The following CD36 variants were observed in gnomAD, a reference collection of about 807,000 sequenced individuals.
CD36 encodes CD36 molecule (CD36 blood group), also known as platelet glycoprotein 4.
In CD36, 119 loss-of-function variants were observed where a neutral mutation model predicts 55.2. That is an observed-to-expected ratio of 2.15 (90% CI 1.86 to 2.51). The LOEUF (loss-of-function observed/expected upper bound fraction) is 2.51. Ranked by LOEUF, CD36 falls within the 30% of genes most tolerant of loss-of-function variation. The pLI, the probability that CD36 is intolerant of heterozygous loss-of-function variation, is 0.00. For missense variants in CD36, 819 were observed against 555.5 expected (o/e 1.47, Z -4.77); for synonymous variants, 186 against 193.6 (o/e 0.96, Z 0.33).
At chr7:80,616,457 G>A (rs997361041) in intron 1 of CD36, among the ~76,000 whole-genome samples, 1 of 148,152 alleles carries the variant, frequency 6.7e-6, no homozygotes, top group Non-Finnish European at 1.5e-5. Context: ...GTGCCTGCAC[G>A]CACACACACA....
chr7:80,612,523 ATT>A (rs2115790998), intron 1 of CD36, among the ~76,000 whole-genome samples: 1 of 152,320 alleles, frequency 6.6e-6, no homozygotes, highest in South Asian at 2.1e-4. Flanking sequence ...TGCTAATCAG[ATT>A]GTAGAATCCT....
intron 1 of CD36, among the ~76,000 whole-genome samples, chr7:80,623,006 T>A (rs1385132611): frequency 9.2e-3 from 5 of 542 alleles, no homozygotes; most frequent in East Asian, 0.043. Context: ...CTTGGTAGAC[T>A]TTTTTTTTTT....
Position 80,643,455 on chromosome 7 carries a change from T to C in CD36, c.-183-2633T>C, listed in dbSNP as rs923659662. Among the ~76,000 whole-genome samples the C allele has an allele frequency of 1.3e-5, 2 of 152,176 alleles. 1 individual carries two copies. Among genetic ancestry groups the C allele is most frequent in the South Asian group, 4.1e-4 (2 of 4,832 alleles). On this transcript the variant is annotated intron_variant, in intron 1 of 14. Coordinates refer to ENST00000447544, the MANE Select transcript of CD36 (RefSeq NM_001001548.3). The stretch of plus-strand genomic sequence containing the variant: ...ATCCTTGAGTTATACATGTTTTAAA[T>C]AGATTTTCATACTATATTAACAAAA...
intron 3 of CD36, chr7:80,647,347 CTG>C (rs1795247748): frequency 6.0e-6 from 1 of 167,424 alleles, no homozygotes; most frequent in Non-Finnish European, 1.3e-5. Context: ...TGGTAATACA[CTG>C]TTTAGTAATC....
chr7:80,629,272 C>CA (rs1478661947), intron 1 of CD36, among the ~76,000 whole-genome samples: 2 of 151,940 alleles, frequency 1.3e-5, no homozygotes, highest in Admixed American at 1.3e-4. Flanking sequence ...AGAGGGCCTC[C>CA]AGCAGCATGG....
At chr7:80,614,209 C>T (rs529701414) in intron 1 of CD36, among the ~76,000 whole-genome samples, 11 of 152,124 alleles carry the variant, frequency 7.2e-5, no homozygotes, top group South Asian at 2.1e-4. Flanking sequence ...TTGTTTACAT[C>T]GAATGTTTGT....
At chr7:80,670,161 C>CAATTTTTAATAGTACAAATTTTT in intron 9 of CD36, 139 bp downstream of exon 9, 1 of 668,604 alleles carries the variant, frequency 1.5e-6, no homozygotes, top group East Asian at 2.7e-5. Context: ...CTGCATCTTC[C>CAATTTTTAATAGTACAAATTTTT]AATTTTTAAT....
intron 1 of CD36, among the ~76,000 whole-genome samples, chr7:80,621,645 A>T (rs183822050): frequency 2.9e-3 from 448 of 152,306 alleles, no homozygotes; most frequent in African/African-American, 9.5e-3. Flanking sequence ...ATATTTTTTT[A>T]AAAAAATCCA....
At chr7:80,634,420 C>T (rs1794265071), upstream of CD36, among the ~76,000 whole-genome samples, 1 of 152,060 alleles carries the variant, frequency 6.6e-6, no homozygotes, top group Non-Finnish European at 1.5e-5. Flanking sequence ...GTATCTACTA[C>T]TATAAGATAT....
intron 1 of CD36, among the ~76,000 whole-genome samples, chr7:80,622,723 A>G (rs752507286): frequency 1.4e-4 from 22 of 152,202 alleles, no homozygotes; most frequent in Non-Finnish European, 2.2e-4. Flanking sequence ...AGCTATTTAT[A>G]TCCGAACAAA....
At chr7:80,613,724 C>A (rs775751106) in intron 1 of CD36, among the ~76,000 whole-genome samples, 3 of 152,074 alleles carry the variant, frequency 2.0e-5, no homozygotes, top group Non-Finnish European at 4.4e-5. Flanking sequence ...GTCTAGTCAG[C>A]AGTTTTGATT....
At chr7:80,671,199 A>G (rs1797644356) in intron 10 of CD36, 35 bp downstream of exon 10, 2 of 1,333,162 alleles carry the variant, frequency 1.5e-6, no homozygotes, top group East Asian at 2.3e-5. Context: ...AGTCCATACC[A>G]TAATTTGTGA....
chr7:80,606,237 G>A (rs1268120680), intron 1 of CD36, among the ~76,000 whole-genome samples: 2 of 151,934 alleles, frequency 1.3e-5, no homozygotes, highest in Non-Finnish European at 2.9e-5. Context: ...CCAAATTGAT[G>A]TAGAGCTCTA....
rs190915077 is a variant in CD36, at chr7:80,604,456, G to C, written c.-184+2077G>C. 2.2e-5 allele frequency among the ~76,000 whole-genome samples: 3 copies of C among 135,668 alleles called. No homozygotes were observed. In the Admixed American group the frequency reaches 2.6e-4, roughly 12 times the overall value. 89.0% of individuals were successfully genotyped at this position (135,668 alleles called of 152,430 possible). ...ATTTCTTTATGGAAAAGGGTAAAGT[G>C]AATTCTGATTTGTATCTTCTGACAA... On this transcript the variant is annotated intron_variant, in intron 1 of 13. Transcript: ENST00000309881.
intron 1 of CD36, among the ~76,000 whole-genome samples, chr7:80,603,235 A>G (rs1373737459): frequency 6.6e-6 from 1 of 152,158 alleles, no homozygotes; most frequent in Non-Finnish European, 1.5e-5. Context: ...AGGTTGATAC[A>G]AAAAAAGAAA....
At chr7:80,613,703 G>A (rs1437673693) in intron 1 of CD36, among the ~76,000 whole-genome samples, 1 of 151,920 alleles carries the variant, frequency 6.6e-6, no homozygotes, top group Non-Finnish European at 1.5e-5. Context: ...TAAGAGATGG[G>A]GTTTATTTAA....
At chr7:80,614,010 A>G (rs1793015492) in intron 1 of CD36, among the ~76,000 whole-genome samples, 1 of 152,186 alleles carries the variant, frequency 6.6e-6, no homozygotes, top group African/African-American at 2.4e-5. Context: ...TCAAAGGGAT[A>G]TTTTGTATGC....
Position 80,670,002 on chromosome 7 carries a change from C to CAA in CD36, c.798_799insAA (p.Phe267AsnfsTer20), listed in dbSNP as rs1204261625. ...TTGAGAAAAGCCAGGTATTGCAGTTCTTTTCTTCTGATATTTGCAGGTAAG... is the reference window on the plus strand; with the variant it reads ...TTGAGAAAAGCCAGGTATTGCAGTTCAATTTTCTTCTGATATTTGCAGGTAAG... On this transcript the variant is annotated frameshift_variant, in exon 9 of 15. Transcript: ENST00000447544. LOFTEE classifies it high-confidence loss of function. The CAA allele has an allele frequency of 6.2e-7, 1 of 1,609,558 alleles. No homozygotes were observed. The highest frequency in any genetic ancestry group is 8.5e-7 in the Non-Finnish European group (1 of 1,176,360).
intron 4 of CD36, among the ~76,000 whole-genome samples, chr7:80,659,046 T>G (rs1215689390): frequency 1.3e-5 from 2 of 152,146 alleles, no homozygotes; most frequent in African/African-American, 4.8e-5. Context: ...CTGTAACAAT[T>G]TTAAAGGGAT....
Sources: allele counts gnomAD v4.1 joint callset (sites outside exome capture counted in the v4.1 genomes callset), GRCh38; gene constraint gnomAD v4.1.1; transcripts MANE v1.5; gene names NCBI Gene and HGNC (gene_info 2026-07-23, HGNC 2026-07-21).